MYRF: variants seen among roughly 807,000 people sequenced by gnomAD.
MYRF encodes myelin regulatory factor, also known as myelin gene regulatory factor.
Under a neutral mutation model 126.3 loss-of-function variants are expected in MYRF, and 16 were observed. The ratio of observed to expected loss-of-function variants is 0.13; its 90% CI spans 0.09 to 0.19. The LOEUF is 0.19. Ranked by LOEUF, MYRF falls within the 10% of genes least tolerant of loss-of-function variation. The pLI is 1.00. For synonymous variants in MYRF, 608 were observed against 635.3 expected, an observed-to-expected ratio of 0.96 and a Z score of 0.65; for missense variants, 1,104 against 1,547.0, an observed-to-expected ratio of 0.71 and a Z score of 4.80.
Position 61,770,481 on chromosome 11 carries a change from G to A in MYRF, c.696G>A (p.Gln232=). Residue 232 remains glutamine, a synonymous_variant, in exon 5 of 27, where the codon CAG becomes CAA. Transcript: ENST00000278836. ...GLVPTDLHHT[Q]QSQMLHQLLQ... ...TGCCCACTGATCTTCACCACACCCAGCAGTCCCAGATGCTGCACCAGCTCC... is the reference window on the plus strand; with the variant it reads ...TGCCCACTGATCTTCACCACACCCAACAGTCCCAGATGCTGCACCAGCTCC... 1 of 1,564,906 alleles carries A rather than the reference G, an allele frequency of 6.4e-7. No individual in the cohort carries two copies. The highest frequency in any genetic ancestry group is 8.7e-7 in the Non-Finnish European group (1 of 1,154,658).
chr11:61,760,719 C>T (rs745501699), intron 1 of MYRF, among the ~76,000 whole-genome samples: 2 of 152,202 alleles, frequency 1.3e-5, no homozygotes, highest in Non-Finnish European at 2.9e-5. Flanking sequence ...GGGGTCACCT[C>T]GTTTAAGGTT....
intron 4 of MYRF, 121 bp from the exon 5 acceptor site, chr11:61,770,125 G>A (rs1180412616): frequency 4.9e-6 from 5 of 1,019,936 alleles, no homozygotes; most frequent in Non-Finnish European, 5.5e-6. Context: ...GTAGGTGGGG[G>A]GCAGCCCCCG....
chr11:61,764,467 AG>A (rs1436412269), intron 1 of MYRF, among the ~76,000 whole-genome samples: 1 of 152,218 alleles, frequency 6.6e-6, no homozygotes, highest in African/African-American at 2.4e-5. Context: ...GACCTGCCCA[AG>A]GTCACTCAGC....
chr11:61,770,946 C>A (rs1219016308), intron 5 of MYRF, among the ~76,000 whole-genome samples: 1 of 152,184 alleles, frequency 6.6e-6, no homozygotes, highest in Non-Finnish European at 1.5e-5. Context: ...ACTCAACCTG[C>A]ACGATTGTCT....
At chr11:61,771,421 G>T in intron 5 of MYRF, 79 bp from the exon 6 acceptor site, 1 of 1,538,932 alleles carries the variant, frequency 6.5e-7, no homozygotes. Context: ...AGGCTAGAGA[G>T]GGGAGAGAGG....
intron 7 of MYRF, 89 bp downstream of exon 7, chr11:61,772,041 G>T: frequency 6.5e-7 from 1 of 1,529,896 alleles, no homozygotes; most frequent in Non-Finnish European, 8.8e-7. Flanking sequence ...CTGGAGCAGG[G>T]CCTGGGAGCA....
At chr11:61,773,927 C>A (rs1591110885) in intron 7 of MYRF, 40 bp from the exon 8 acceptor site, 5 of 1,551,120 alleles carry the variant, frequency 3.2e-6, no homozygotes, top group Non-Finnish European at 4.4e-6. Flanking sequence ...CCAGGCCCGG[C>A]TCTGGGGCCT....
Position 61,765,642 on chromosome 11 carries a change from G to T in MYRF, c.64G>T (p.Ala22Ser). The T allele has an allele frequency of 6.2e-7, 1 of 1,612,844 alleles. No individual in the cohort carries two copies. Among genetic ancestry groups the T allele is most frequent in the Non-Finnish European group, 8.5e-7 (1 of 1,179,764 alleles). Residue 22 changes from alanine (A) to serine (S), a missense_variant, in exon 2 of 27, where the codon GCC becomes TCC. Physicochemically the swap from Ala to Ser is moderately conservative, Grantham distance 99. This residue lies in a region of MYRF where 368 missense variants were observed against 403.9 expected (regional missense o/e 0.91). Coordinates refer to ENST00000278836, the MANE Select transcript of MYRF (RefSeq NM_001127392.3). ...RFFEGHDINGALEPSNIDTSI... is the reference protein window; with the variant it reads ...RFFEGHDINGSLEPSNIDTSI... ...CCCTGCAGGCCACGACATCAACGGT[G>T]CCCTGGAGCCCTCCAACATAGACAC... is the stretch of plus-strand genomic sequence containing the variant.
Position 61,780,215 on chromosome 11 carries a change from G to T in MYRF, c.2337-7G>T. On this transcript the variant is annotated splice_polypyrimidine_tract_variant and splice_region_variant and intron_variant, in intron 17 of 26. Transcript: ENST00000278836. Reference sequence around the variant, plus strand: ...GCTCTAACGGTCACCCTTTTCTGTGGCTCCAGCGTGGTGTCCATGTCCACA... The same window carrying T: ...GCTCTAACGGTCACCCTTTTCTGTGTCTCCAGCGTGGTGTCCATGTCCACA... The T allele has an allele frequency of 6.2e-7, 1 of 1,613,950 alleles. No individual in the cohort carries two copies. The highest frequency in any genetic ancestry group is 8.5e-7 in the Non-Finnish European group (1 of 1,179,944).
At chr11:61,784,241 C>T in intron 24 of MYRF, 39 bp from the exon 25 acceptor site, 5 of 1,592,198 alleles carry the variant, frequency 3.1e-6, no homozygotes, top group Non-Finnish European at 4.3e-6. Flanking sequence ...TTGAGGGACT[C>T]TAGAACCTCA....
intron 7 of MYRF, among the ~76,000 whole-genome samples, 156 bp from the exon 8 acceptor site, chr11:61,773,811 G>A (rs1031407257): frequency 1.3e-5 from 2 of 152,212 alleles, no homozygotes; most frequent in Admixed American, 6.5e-5. Context: ...CCGGGACTCA[G>A]TTTCCATTTC....
chr11:61,781,406 G>A (rs2066543236), intron 21 of MYRF, 77 bp downstream of exon 21: 3 of 1,567,972 alleles, frequency 1.9e-6, no homozygotes. Flanking sequence ...TCATTGGTGG[G>A]AGGGTCTCCT....
chr11:61,771,763 C>G lies in MYRF; in HGVS notation c.991+13C>G. On this transcript the variant is annotated intron_variant, in intron 6 of 26. Transcript: ENST00000278836. The stretch of plus-strand genomic sequence containing the variant: ...GCCCCCTCCCCAGGTACATGGCTGG[C>G]CAACTCTTCAAGGTGGGGTGTGGGA... 6.2e-7 allele frequency: 1 copy of G among 1,612,316 alleles called. No individual in the cohort carries two copies. Among genetic ancestry groups the G allele is most frequent in the African/African-American group, 1.3e-5 (1 of 75,038 alleles).
At chr11:61,773,415 C>T (rs114187421) in intron 7 of MYRF, among the ~76,000 whole-genome samples, 2,151 of 152,252 alleles carry the variant, frequency 0.014, 44 homozygotes, top group African/African-American at 0.047. Context: ...CTTCCCTCCC[C>T]GGGCAGACGG....
intron 1 of MYRF, among the ~76,000 whole-genome samples, chr11:61,763,715 A>T (rs1016163667): frequency 6.6e-6 from 1 of 152,042 alleles, no homozygotes; most frequent in Non-Finnish European, 1.5e-5. Context: ...AATACAAAAA[A>T]TTAGCCGTGT....
Position 61,771,634 on chromosome 11 carries a change from C to T in MYRF, c.875C>T (p.Ala292Val), listed in dbSNP as rs1358588542. ...VTALPLHPTR[A>V]PSPPWPPQGP... Reference sequence around the variant, plus strand: ...GCCCTGCCTCTGCACCCCACTCGAGCCCCATCGCCACCCTGGCCTCCCCAG... The same window carrying T: ...GCCCTGCCTCTGCACCCCACTCGAGTCCCATCGCCACCCTGGCCTCCCCAG... Residue 292 changes from alanine (A) to valine (V), a missense_variant, in exon 6 of 27, where the codon GCC becomes GTC. Around this residue, in one of 10 missense-constraint regions of MYRF, gnomAD observed 368 missense variants for 403.9 expected, o/e 0.91. Transcript: ENST00000278836. 1 of 1,613,900 alleles carries T rather than the reference C, an allele frequency of 6.2e-7. No homozygotes were observed. The highest frequency in any genetic ancestry group is 1.7e-5 in the Admixed American group (1 of 60,004).
Position 61,781,142 on chromosome 11 carries a change from C to T in MYRF, c.2577C>T (p.Thr859=), listed in dbSNP as rs1268058338. The T allele has an allele frequency of 1.2e-6, 2 of 1,613,386 alleles. No homozygotes were observed. Among genetic ancestry groups the T allele is most frequent in the Non-Finnish European group, 1.7e-6 (2 of 1,179,988 alleles). The change falls in exon 21 of 27, where the codon ACC becomes ACT. Residue 859 remains threonine (T), a synonymous_variant. Transcript: ENST00000278836. ...TACAGCCTCTGGCCTCCTCAGTGAC[C>T]ACCAGCCTCACCAGCTCGGCCCCAG... ...PGIQPSLLLV[T]TSLTSSAPGS...
intron 1 of MYRF, among the ~76,000 whole-genome samples, 188 bp downstream of exon 1, chr11:61,752,978 C>T (rs2065647761): frequency 6.6e-6 from 1 of 152,124 alleles, no homozygotes; most frequent in African/African-American, 2.4e-5. Flanking sequence ...CCCACCGCCG[C>T]TGAAGTTGGG....
chr11:61,776,908 A>G lies in MYRF; in HGVS notation c.1590+31A>G. On this transcript the variant is annotated intron_variant, in intron 11 of 26. Coordinates refer to ENST00000278836, the MANE Select transcript of MYRF (RefSeq NM_001127392.3). The surrounding 1 kb of genome is among the most constrained non-coding windows in gnomAD (Gnocchi z 4.3). The stretch of plus-strand genomic sequence containing the variant: ...GGCCACCTCCTCCCAGGGCGTAGAC[A>G]GCCCTCCCCAGGACTGGGAGAAACA... The G allele has an allele frequency of 6.5e-7, 1 of 1,539,498 alleles. No homozygotes were observed. Among genetic ancestry groups the G allele is most frequent in the Non-Finnish European group, 8.8e-7 (1 of 1,136,506 alleles).
Sources: allele counts gnomAD v4.1 joint callset (sites outside exome capture counted in the v4.1 genomes callset), GRCh38; gene constraint gnomAD v4.1.1; regional missense constraint gnomAD v4.1.1; non-coding constraint Gnocchi (gnomAD v3.1); transcripts MANE v1.5; gene names NCBI Gene and HGNC (gene_info 2026-07-23, HGNC 2026-07-21).